LIMCH1: variants seen among roughly 807,000 people sequenced by gnomAD.
LIMCH1 encodes LIM and calponin homology domains 1, also known as LIM and calponin homology domains-containing protein 1.
LIMCH1 carries 113 observed loss-of-function variants against 176.5 expected under a neutral mutation model. That is an observed-to-expected ratio of 0.64 (90% CI 0.55 to 0.75). The LOEUF is 0.75. Among genes scored for constraint, LIMCH1 ranks in the 30% least tolerant of loss-of-function variants. The pLI is 0.00. For synonymous variants in LIMCH1, 619 were observed against 645.9 expected (o/e 0.96, Z 0.63); for missense variants, 1,674 against 1,814.9 (o/e 0.92, Z 1.41).
At chr4:41,494,635 T>C (rs1435910640) in intron 2 of LIMCH1, 1 of 1,453,548 alleles carries the variant, frequency 6.9e-7, no homozygotes, top group Admixed American at 1.9e-5. Flanking sequence ...CAGTTGGTTT[T>C]ATTCAAAAAA....
At chr4:41,440,157 T>C (rs944159407) in intron 1 of LIMCH1, among the ~76,000 whole-genome samples, 4 of 152,214 alleles carry the variant, frequency 2.6e-5, no homozygotes, top group African/African-American at 9.6e-5. Context: ...ATTTTATTAG[T>C]TTCCCCTCTA....
chr4:41,603,637 C>G (rs2090290198), intron 2 of LIMCH1, among the ~76,000 whole-genome samples: 1 of 152,136 alleles, frequency 6.6e-6, no homozygotes, highest in Admixed American at 6.5e-5. Context: ...AATTATAAAG[C>G]ATCGTCTTTT....
intron 1 of LIMCH1, among the ~76,000 whole-genome samples, chr4:41,460,476 A>ATATATATATATATATCTATCTATCTATC (rs965621988): frequency 1.4e-5 from 2 of 142,664 alleles, no homozygotes; most frequent in African/African-American, 2.7e-5. Flanking sequence ...ATATATATAT[A>ATATATATATATATATCTATCTATCTATC]TATCTTATAA....
At chr4:41,566,248 A>G (rs2152568420) in intron 1 of LIMCH1, among the ~76,000 whole-genome samples, 1 of 152,300 alleles carries the variant, frequency 6.6e-6, no homozygotes, top group East Asian at 1.9e-4. Flanking sequence ...CTCCCCCAAG[A>G]ATCACAAATG....
intron 13 of LIMCH1, among the ~76,000 whole-genome samples, chr4:41,635,742 TTAGA>T (rs1424347605): frequency 1.3e-5 from 2 of 152,172 alleles, no homozygotes; most frequent in Admixed American, 6.6e-5. Context: ...GGGGGTGATC[TTAGA>T]TGAGCAGTAA....
chr4:41,516,492 C>T (rs2075597455), intron 2 of LIMCH1, among the ~76,000 whole-genome samples: 1 of 152,206 alleles, frequency 6.6e-6, no homozygotes, highest in African/African-American at 2.4e-5. Context: ...GCCTTCACCT[C>T]CCGGGGACAG....
At position 41,552,046 on chromosome 4, in the gene LIMCH1, A is replaced by G. The variant is rs561921502; in HGVS notation, c.-241+13696A>G. The stretch of plus-strand genomic sequence containing the variant: ...CACAATCATGGCAGAAGAGCAAGGG[A>G]CGTCTTACATGGCAGCAGGCAAGAG... On this transcript the variant is annotated intron_variant, in intron 1 of 31. Transcript: ENST00000503057. 3.3e-5 allele frequency among the ~76,000 whole-genome samples: 5 copies of G among 152,286 alleles called. 1 individual carries two copies. The highest frequency in any genetic ancestry group is 1.2e-4 in the African/African-American group (5 of 41,568).
At chr4:41,390,239 GGAGAGAGA>G (rs34011822) in intron 1 of LIMCH1, among the ~76,000 whole-genome samples, 180 of 138,432 alleles carry the variant, frequency 1.3e-3, no homozygotes, top group African/African-American at 3.9e-3. Context: ...TCTCTCTCAG[GGAGAGAGA>G]GAGAGAGAGA....
At chr4:41,449,472 G>A (rs2063618519) in intron 1 of LIMCH1, among the ~76,000 whole-genome samples, 1 of 151,986 alleles carries the variant, frequency 6.6e-6, no homozygotes, top group Non-Finnish European at 1.5e-5. Context: ...TCCCATTTTA[G>A]GCCCCAGGGA....
chr4:41,642,563 T>G (rs572117511), intron 14 of LIMCH1, among the ~76,000 whole-genome samples: 1 of 151,990 alleles, frequency 6.6e-6, no homozygotes, highest in Admixed American at 6.5e-5. Flanking sequence ...TTCTTTATTT[T>G]ATTTTATTTT....
chr4:41,419,608 T>A (rs867534817), intron 1 of LIMCH1, among the ~76,000 whole-genome samples: 2 of 53,550 alleles, frequency 3.7e-5, no homozygotes, highest in African/African-American at 3.7e-4. Context: ...CCTTCCGTCC[T>A]TCCTTCCTTC....
chr4:41,622,113 A>C (rs1228465120), intron 7 of LIMCH1, among the ~76,000 whole-genome samples: 1 of 152,182 alleles, frequency 6.6e-6, no homozygotes, highest in Non-Finnish European at 1.5e-5. Context: ...CAGCTCTCTG[A>C]GTTTATTAAA....
intron 1 of LIMCH1, among the ~76,000 whole-genome samples, chr4:41,435,295 A>C (rs2061972473): frequency 6.6e-6 from 1 of 152,218 alleles, no homozygotes; most frequent in Non-Finnish European, 1.5e-5. Flanking sequence ...ATGCATTTCG[A>C]CGATGAAGAA....
chr4:41,549,602 G>A (rs1486857538), intron 1 of LIMCH1, among the ~76,000 whole-genome samples: 1 of 152,014 alleles, frequency 6.6e-6, no homozygotes, highest in East Asian at 1.9e-4. Flanking sequence ...AAACAATTTG[G>A]CCAAAATAAC....
intron 8 of LIMCH1, 70 bp from the exon 9 acceptor site, chr4:41,629,422 T>G: frequency 6.7e-7 from 1 of 1,498,816 alleles, no homozygotes; most frequent in East Asian, 2.5e-5. Flanking sequence ...TGCTTGACAT[T>G]CTCTTTGTCT....
intron 7 of LIMCH1, among the ~76,000 whole-genome samples, chr4:41,624,266 A>G (rs2092786970): frequency 6.6e-6 from 1 of 152,124 alleles, no homozygotes; most frequent in Non-Finnish European, 1.5e-5. Context: ...CTTCTCAACC[A>G]CGTAGTAATT....
intron 23 of LIMCH1, among the ~76,000 whole-genome samples, chr4:41,677,745 T>A (rs184439887): frequency 1.7e-4 from 26 of 152,296 alleles, no homozygotes; most frequent in African/African-American, 6.3e-4. Flanking sequence ...GTTACACAAC[T>A]AATAGGTGTC....
chr4:41,671,461 T>A, intron 21 of LIMCH1, 93 bp from the exon 22 acceptor site: 2 of 946,182 alleles, frequency 2.1e-6, no homozygotes, highest in Non-Finnish European at 3.3e-6. Context: ...AAAGCTGATG[T>A]AGGAACTATA....
chr4:41,666,917 C>T (rs1193671898), intron 21 of LIMCH1, among the ~76,000 whole-genome samples: 1 of 152,054 alleles, frequency 6.6e-6, no homozygotes, highest in East Asian at 1.9e-4. Flanking sequence ...ACAATAGAGC[C>T]TATACAAGTG....
Sources: gnomAD v4.1 joint callset for allele counts (sites outside exome capture counted in the v4.1 genomes callset) on GRCh38, gnomAD v4.1.1 for gene constraint, MANE v1.5 for transcripts, NCBI Gene and HGNC (gene_info 2026-07-23, HGNC 2026-07-21) for gene names.